Variants in MPDZ observed in about 807,000 individuals in gnomAD.
MPDZ encodes the protein multiple PDZ domain protein.
Under a neutral mutation model 239.1 loss-of-function variants are expected in MPDZ, and 234 were observed. The ratio of observed to expected loss-of-function variants is 0.98; its 90% CI spans 0.88 to 1.09. The LOEUF is 1.09. Ranked by LOEUF, MPDZ falls within the 50% of genes least tolerant of loss-of-function variation. The probability of loss-of-function intolerance (pLI) is 0.00; values close to 1 mark genes in which losing one functional copy is unlikely to be tolerated. For missense variants in MPDZ, 3,175 were observed against 2,510.0 expected, an observed-to-expected ratio of 1.26 and a Z score of -5.66; for synonymous variants, 1,048 against 881.3, an observed-to-expected ratio of 1.19 and a Z score of -3.35.
At position 13,126,769 on chromosome 9, in the gene MPDZ, G is replaced by C; in HGVS notation, c.4468C>G (p.Gln1490Glu). Residue 1490 changes from glutamine (Q) to glutamate (E), a missense_variant, in exon 33 of 47, where the codon CAG (glutamine) becomes GAG (glutamate). Coordinates refer to ENST00000319217, the MANE Select transcript of MPDZ (RefSeq NM_001378778.1). ...NVQHLELPKD[Q>E]GGLGIAISEE... ...CTGATAGCAATACCCAAACCCCCCT[G>C]ATCCTAGAAAAGTAAAAACAAAAAT... The C allele has an allele frequency of 6.2e-7, 1 of 1,613,352 alleles. No homozygotes were observed.
intron 1 of MPDZ, among the ~76,000 whole-genome samples, chr9:13,266,498 A>C (rs1302169702): frequency 6.6e-6 from 1 of 152,208 alleles, no homozygotes; most frequent in Non-Finnish European, 1.5e-5. Context: ...AGTATTTAGC[A>C]ATTCAGAACC....
At chr9:13,109,928 A>C in intron 45 of MPDZ, 24 bp downstream of exon 45, 1 of 1,565,810 alleles carries the variant, frequency 6.4e-7, no homozygotes, top group African/African-American at 1.3e-5. Context: ...AAAATGATAC[A>C]CTAATCATCA....
At chr9:13,186,768 G>A (rs1343731593) in intron 17 of MPDZ, among the ~76,000 whole-genome samples, 2 of 151,694 alleles carry the variant, frequency 1.3e-5, no homozygotes, top group East Asian at 1.9e-4. Flanking sequence ...ATATAGAAAT[G>A]AAGCAACTTT....
At chr9:13,136,848 CATAAAGTTTT>C (rs1563878250) in intron 29 of MPDZ, 45 bp from the exon 30 acceptor site, 1 of 1,220,090 alleles carries the variant, frequency 8.2e-7, no homozygotes, top group East Asian at 2.5e-5. Flanking sequence ...ATCTTAGTAT[CATAAAGTTTT>C]ATCATCCTTC....
chr9:13,183,237 C>A (rs1253787342), intron 19 of MPDZ, among the ~76,000 whole-genome samples, 181 bp downstream of exon 19: 1 of 151,978 alleles, frequency 6.6e-6, no homozygotes, highest in Non-Finnish European at 1.5e-5. Context: ...TTCTAGTAAT[C>A]TGAAAGCTAT....
Position 13,247,248 on chromosome 9 carries a change from T to C in MPDZ, c.183+387A>G, listed in dbSNP as rs138141699. On this transcript the variant is annotated intron_variant, in intron 3 of 46. Coordinates refer to ENST00000319217, the MANE Select transcript of MPDZ (RefSeq NM_001378778.1). Reference sequence around the variant, plus strand: ...GATTACACATGCAAATCCACGCTTATCTGAAATCTTGTAAGTATACTGAAT... The same window carrying C: ...GATTACACATGCAAATCCACGCTTACCTGAAATCTTGTAAGTATACTGAAT... Among the ~76,000 whole-genome samples the C allele has an allele frequency of 3.9e-3, 597 of 152,314 alleles. 5 individuals are homozygous for C. Among genetic ancestry groups the C allele is most frequent in the Non-Finnish European group, 6.7e-3 (458 of 68,024 alleles).
intron 24 of MPDZ, among the ~76,000 whole-genome samples, chr9:13,156,622 G>A (rs1261529734): frequency 2.0e-5 from 3 of 152,140 alleles, no homozygotes; most frequent in Non-Finnish European, 4.4e-5. Context: ...ACAACATGTG[G>A]GAATTATGGG....
chr9:13,239,301 A>T (rs1055845275), intron 3 of MPDZ, among the ~76,000 whole-genome samples: 16 of 152,184 alleles, frequency 1.1e-4, no homozygotes, highest in African/African-American at 3.6e-4. Context: ...ATGGAGTTCT[A>T]TGATTAAGAT....
chr9:13,216,785 G>C lies in MPDZ; in HGVS notation c.1279C>G (p.Gln427Glu). The change falls in exon 10 of 47, where the codon CAA becomes GAA. Residue 427 changes from glutamine to glutamate, a missense_variant. Gln to Glu is a conservative substitution (Grantham distance 29). Transcript: ENST00000319217. The part of the protein sequence containing the change: ...EHDGRIQIGD[Q>E]IIAVDGTNLQ... The stretch of plus-strand genomic sequence containing the variant: ...AATGTGTAACTTACTGCTATAATTT[G>C]GTCTCCAATTTGGATTCTTCCATCA... 1 of 1,605,204 alleles carries C rather than the reference G, an allele frequency of 6.2e-7. No individual in the cohort carries two copies.
intron 46 of MPDZ, 142 bp downstream of exon 46, chr9:13,108,794 G>T: frequency 2.8e-6 from 2 of 721,372 alleles, no homozygotes; most frequent in Non-Finnish European, 2.0e-6. Context: ...TTAATGACCT[G>T]TTCCTGTAGG....
intron 21 of MPDZ, among the ~76,000 whole-genome samples, chr9:13,170,104 T>A (rs554359232): frequency 6.6e-6 from 1 of 152,284 alleles, no homozygotes; most frequent in African/African-American, 2.4e-5. Flanking sequence ...CAAAACAAAA[T>A]TATATAATTA....
At chr9:13,132,706 T>G (rs1946182230) in intron 32 of MPDZ, among the ~76,000 whole-genome samples, 1 of 152,222 alleles carries the variant, frequency 6.6e-6, no homozygotes, top group Non-Finnish European at 1.5e-5. Context: ...TATACTTAAT[T>G]CTCACTACAA....
chr9:13,204,207 A>G (rs1956737650), intron 12 of MPDZ, among the ~76,000 whole-genome samples: 1 of 152,152 alleles, frequency 6.6e-6, no homozygotes, highest in African/African-American at 2.4e-5. Flanking sequence ...GTTACCAAGT[A>G]CCTAAAGCAA....
chr9:13,140,751 C>T (rs1414750965), intron 27 of MPDZ: 1 of 151,888 alleles, frequency 6.6e-6, no homozygotes, highest in Non-Finnish European at 1.5e-5. Context: ...CTAGAAAAAT[C>T]TGCCAAGAAA....
intron 1 of MPDZ, among the ~76,000 whole-genome samples, chr9:13,259,173 T>C (rs1225261959): frequency 6.6e-6 from 1 of 152,108 alleles, no homozygotes; most frequent in Non-Finnish European, 1.5e-5. Flanking sequence ...AACTTTAATA[T>C]AATGAGAGAG....
chr9:13,146,302 C>T (rs1280038816), intron 26 of MPDZ, among the ~76,000 whole-genome samples: 1 of 151,950 alleles, frequency 6.6e-6, no homozygotes, highest in Non-Finnish European at 1.5e-5. Flanking sequence ...CTTTACAGTC[C>T]ATGGCATAGA....
At chr9:13,242,388 G>A (rs1965638899) in intron 3 of MPDZ, among the ~76,000 whole-genome samples, 1 of 151,568 alleles carries the variant, frequency 6.6e-6, no homozygotes, top group Admixed American at 6.6e-5. Context: ...AACACGCTCG[G>A]CTAATTTTTG....
intron 32 of MPDZ, among the ~76,000 whole-genome samples, chr9:13,133,149 TCTTA>T (rs1315320640): frequency 2.6e-5 from 4 of 152,078 alleles, no homozygotes; most frequent in Non-Finnish European, 5.9e-5. Context: ...TATTATAAAC[TCTTA>T]CTTCAGGATT....
chr9:13,249,312 C>G (rs1208756908), intron 2 of MPDZ, among the ~76,000 whole-genome samples: 1 of 152,088 alleles, frequency 6.6e-6, no homozygotes, highest in African/African-American at 2.4e-5. Flanking sequence ...AGAATAAAGA[C>G]TAGAAAACAA....
Sources: allele counts gnomAD v4.1 joint callset (sites outside exome capture counted in the v4.1 genomes callset), GRCh38; gene constraint gnomAD v4.1.1; transcripts MANE v1.5; gene names NCBI Gene and HGNC (gene_info 2026-07-23, HGNC 2026-07-21).